The following GFPT1 variants were observed in gnomAD, a reference collection of about 807,000 sequenced individuals.
GFPT1 encodes the protein glutamine--fructose-6-phosphate aminotransferase [isomerizing] 1.
GFPT1 carries 40 observed loss-of-function variants against 92.0 expected under a neutral mutation model. That is an observed-to-expected ratio of 0.43 (90% CI 0.34 to 0.57). GFPT1 has a LOEUF of 0.57. Among genes scored for constraint, GFPT1 ranks in the 20% least tolerant of loss-of-function variants. The pLI is 0.02. For missense variants in GFPT1, 448 were observed against 869.1 expected, an observed-to-expected ratio of 0.52 and a Z score of 6.09; for synonymous variants, 269 against 280.6, an observed-to-expected ratio of 0.96 and a Z score of 0.41.
At chr2:69,368,634 C>G (rs1574079454) in intron 3 of GFPT1, among the ~76,000 whole-genome samples, 1 of 151,834 alleles carries the variant, frequency 6.6e-6, no homozygotes, top group Non-Finnish European at 1.5e-5. Context: ...GAGTCTGAAA[C>G]AGGAGAATCG....
In GFPT1 at chr2:69,350,103, C is replaced by A. The variant is rs889565901; in HGVS notation, c.820G>T (p.Glu274Ter). The A allele has an allele frequency of 1.2e-6, 2 of 1,612,712 alleles. No individual in the cohort carries two copies. Among genetic ancestry groups the A allele is most frequent in the African/African-American group, 1.3e-5 (1 of 74,888 alleles). The change falls in exon 10 of 20, where the codon GAG (glutamate) becomes TAG (stop). Residue 274 changes from glutamate to a stop codon, truncating the protein, a stop_gained. Coordinates refer to ENST00000357308, the MANE Select transcript of GFPT1 (RefSeq NM_001244710.2). LOFTEE classifies it high-confidence loss of function. ...CLFPVEEKAV[E>*]YYFASDASAV... ...CTTGCATCAGAAGCAAAGTAATACTCCACTGCTTTTTCTTCCACCGGGAAA... is the reference window on the plus strand; with the variant it reads ...CTTGCATCAGAAGCAAAGTAATACTACACTGCTTTTTCTTCCACCGGGAAA...
chr2:69,374,024 T>C lies in GFPT1; in HGVS notation c.97A>G (p.Arg33Gly). 6.6e-7 allele frequency: 1 copy of C among 1,519,070 alleles called. No homozygotes were observed. Among genetic ancestry groups the C allele is most frequent in the Non-Finnish European group, 9.1e-7 (1 of 1,094,088 alleles). 94.1% of individuals were successfully genotyped at this position (1,519,070 alleles called of 1,614,324 possible). Residue 33 changes from arginine (R) to glycine (G), a missense_variant, in exon 2 of 20, where the codon AGA becomes GGA. Around this residue, in one of 7 missense-constraint regions of GFPT1, gnomAD observed 72 missense variants for 95.1 expected, o/e 0.76. Coordinates refer to ENST00000357308, the MANE Select transcript of GFPT1 (RefSeq NM_001244710.2). Reference protein sequence around the residue: ...LIKGLQRLEYRGYDSAGVGFD... With the variant: ...LIKGLQRLEYGGYDSAGVGFD... ...AAAGTACCAGCAGAATCATATCCTC[T>C]GTACTCCAGTCTCTGAAGGCCTTTG...
chr2:69,354,378 G>A (rs1671283340), intron 8 of GFPT1, 66 bp from the exon 9 acceptor site: 2 of 1,399,586 alleles, frequency 1.4e-6, no homozygotes, highest in East Asian at 2.3e-5. Context: ...TCTTTTTCAT[G>A]TCTAGACAGA....
chr2:69,365,970 G>A (rs192391645), intron 3 of GFPT1, among the ~76,000 whole-genome samples: 4 of 151,968 alleles, frequency 2.6e-5, no homozygotes, highest in African/African-American at 7.3e-5. Flanking sequence ...GCACCACCAC[G>A]CCTGGCTAAT....
intron 10 of GFPT1, among the ~76,000 whole-genome samples, 185 bp from the exon 11 acceptor site, chr2:69,348,519 C>CA (rs1384591871): frequency 6.6e-6 from 1 of 152,138 alleles, no homozygotes; most frequent in East Asian, 1.9e-4. Flanking sequence ...TCATTGTGGA[C>CA]AAAAAATAAA....
chr2:69,366,446 C>T (rs1671613416), intron 3 of GFPT1, among the ~76,000 whole-genome samples: 1 of 152,160 alleles, frequency 6.6e-6, no homozygotes, highest in Non-Finnish European at 1.5e-5. Flanking sequence ...CCCCCACACT[C>T]GGTTTCTCTT....
chr2:69,384,685 C>A (rs1280840694), intron 1 of GFPT1, among the ~76,000 whole-genome samples: 2 of 97,526 alleles, frequency 2.1e-5, no homozygotes, highest in Admixed American at 1.4e-4. Flanking sequence ...CAGAGAGAGG[C>A]CCCGTCACAA....
intron 15 of GFPT1, among the ~76,000 whole-genome samples, chr2:69,335,509 C>T (rs1670773196): frequency 6.6e-6 from 1 of 152,216 alleles, no homozygotes; most frequent in Non-Finnish European, 1.5e-5. Flanking sequence ...ACATACACCA[C>T]GTTGTAGCCC....
At chr2:69,344,031 T>C (rs1240710212) in intron 12 of GFPT1, among the ~76,000 whole-genome samples, 1 of 152,156 alleles carries the variant, frequency 6.6e-6, no homozygotes, top group Non-Finnish European at 1.5e-5. Context: ...GCCTTCTTGC[T>C]GTTACTGCAC....
At chr2:69,374,930 G>T (rs1671836761) in intron 1 of GFPT1, among the ~76,000 whole-genome samples, 1 of 152,094 alleles carries the variant, frequency 6.6e-6, no homozygotes, top group South Asian at 2.1e-4. Flanking sequence ...TATCTTAAAA[G>T]ATAATTGCTT....
rs553789635 is a variant in GFPT1 at position 69,319,950 on chromosome 2, A to G, written c.*6239T>C. ...ACACATTCAAGTCTAGCAGAAAGAA[A>G]CTTGAAATTTAATGCAACGTTATTT... On this transcript the variant is annotated 3_prime_UTR_variant, in exon 20 of 20. Coordinates refer to ENST00000357308, the MANE Select transcript of GFPT1 (RefSeq NM_001244710.2). 5.3e-5 allele frequency: 8 copies of G among 152,216 alleles called. No homozygotes were observed. Among genetic ancestry groups the G allele is most frequent in the Non-Finnish European group, 8.8e-5 (6 of 68,034 alleles). The allele number at this position is 152,216 out of a possible 1,614,324, so 9.4% of individuals were successfully genotyped here.
At chr2:69,357,301 C>T (rs777722008) in intron 6 of GFPT1, among the ~76,000 whole-genome samples, 3 of 152,168 alleles carry the variant, frequency 2.0e-5, no homozygotes, top group Non-Finnish European at 4.4e-5. Flanking sequence ...CTCTTTCTGA[C>T]CTTGATATTA....
At chr2:69,367,511 C>A (rs565415814) in intron 3 of GFPT1, among the ~76,000 whole-genome samples, 1 of 152,274 alleles carries the variant, frequency 6.6e-6, no homozygotes, top group East Asian at 1.9e-4. Flanking sequence ...CAGGTGCACG[C>A]CGCCACACCC....
At chr2:69,356,707 C>G in intron 6 of GFPT1, 150 bp from the exon 7 acceptor site, 1 of 683,920 alleles carries the variant, frequency 1.5e-6, no homozygotes, top group Non-Finnish European at 2.7e-6. Flanking sequence ...TAAGTAAACA[C>G]TTACTCCTAA....
chr2:69,386,951 C>G (rs1280928916), intron 1 of GFPT1, 114 bp downstream of exon 1: 3 of 868,864 alleles, frequency 3.5e-6, no homozygotes, highest in Non-Finnish European at 5.5e-6. Flanking sequence ...GCCCATCACC[C>G]AGACTTCGCA....
Position 69,325,947 on chromosome 2 carries a change from T to C in GFPT1, c.*242A>G. 2.2e-6 allele frequency: 1 copy of C among 444,928 alleles called. No individual in the cohort carries two copies. The highest frequency in any genetic ancestry group is 4.0e-6 in the Non-Finnish European group (1 of 251,796). 27.6% of individuals were successfully genotyped at this position (444,928 alleles called of 1,614,324 possible). On this transcript the variant is annotated 3_prime_UTR_variant, in exon 20 of 20. Transcript: ENST00000357308. ...TCTTTAAAGAAAATAATAGCTAGAATCTTTCTGATACAGATTCCAATATAG... is the reference window on the plus strand; with the variant it reads ...TCTTTAAAGAAAATAATAGCTAGAACCTTTCTGATACAGATTCCAATATAG...
intron 1 of GFPT1, among the ~76,000 whole-genome samples, chr2:69,380,886 T>C (rs1671993011): frequency 6.6e-6 from 1 of 152,214 alleles, no homozygotes; most frequent in Non-Finnish European, 1.5e-5. Context: ...CTCCCAGATA[T>C]TATTTTAGAG....
chr2:69,387,216 A>G lies in GFPT1; in HGVS notation c.-145T>C, dbSNP rs1220857425. 1 of 859,948 alleles carries G rather than the reference A, an allele frequency of 1.2e-6. No individual in the cohort carries two copies. Among genetic ancestry groups the G allele is most frequent in the South Asian group, 2.0e-5 (1 of 50,850 alleles). The allele number at this position is 859,948 out of a possible 1,614,324, so 53.3% of individuals were successfully genotyped here. A position where few individuals can be genotyped will look rare whatever the true frequency, so the allele number is the denominator to read the frequency against. On this transcript the variant is annotated 5_prime_UTR_variant, in exon 1 of 20. Coordinates refer to ENST00000357308, the MANE Select transcript of GFPT1 (RefSeq NM_001244710.2). Reference sequence around the variant, plus strand: ...CCTCGGGGATGCGACGGCCAAGGCAACGACAGCCTTCTCCGCCTCCCGGGC... The same window carrying G: ...CCTCGGGGATGCGACGGCCAAGGCAGCGACAGCCTTCTCCGCCTCCCGGGC...
intron 12 of GFPT1, among the ~76,000 whole-genome samples, chr2:69,343,245 C>T (rs1169618211): frequency 6.6e-6 from 1 of 152,158 alleles, no homozygotes; most frequent in Non-Finnish European, 1.5e-5. Flanking sequence ...ATTCCCTAAT[C>T]ACCCACCAAG....
Sources: allele counts gnomAD v4.1 joint callset (sites outside exome capture counted in the v4.1 genomes callset), GRCh38; gene constraint gnomAD v4.1.1; regional missense constraint gnomAD v4.1.1; transcripts MANE v1.5; gene names NCBI Gene and HGNC (gene_info 2026-07-23, HGNC 2026-07-21).